Variants in ITGBL1 observed in about 807,000 individuals in gnomAD.
ITGBL1 encodes the protein integrin subunit beta like 1.
ITGBL1 carries 51 observed loss-of-function variants against 68.5 expected under a neutral mutation model. That is an observed-to-expected ratio of 0.74 (90% CI 0.59 to 0.94). The LOEUF (loss-of-function observed/expected upper bound fraction) is 0.94. Among genes scored for constraint, ITGBL1 ranks in the 40% least tolerant of loss-of-function variants. ITGBL1 has a pLI of 0.00. For missense variants in ITGBL1, 649 were observed against 647.4 expected, an observed-to-expected ratio of 1.00 and a Z score of -0.03; for synonymous variants, 209 against 227.3, an observed-to-expected ratio of 0.92 and a Z score of 0.72.
At chr13:101,547,934 T>C (rs1314723312) in intron 2 of ITGBL1, among the ~76,000 whole-genome samples, 3 of 151,362 alleles carry the variant, frequency 2.0e-5, no homozygotes, top group Non-Finnish European at 4.4e-5. Context: ...TGTATATATA[T>C]ACACACATGT....
chr13:101,606,172 T>TATATATATATATATATATA (rs1566754927), intron 7 of ITGBL1, among the ~76,000 whole-genome samples: 2 of 60,138 alleles, frequency 3.3e-5, no homozygotes, highest in African/African-American at 1.7e-4. Context: ...CTATTAGGAT[T>TATATATATATATATATATA]TTTATATATA....
chr13:101,490,692 C>T (rs1442492629), intron 2 of ITGBL1, among the ~76,000 whole-genome samples: 4 of 152,192 alleles, frequency 2.6e-5, no homozygotes, highest in African/African-American at 4.8e-5. Flanking sequence ...AGAGGCTAAA[C>T]TACAAATAAG....
At chr13:101,528,020 TAA>T (rs2049409060) in intron 2 of ITGBL1, among the ~76,000 whole-genome samples, 1 of 149,768 alleles carries the variant, frequency 6.7e-6, no homozygotes, top group Non-Finnish European at 1.5e-5. Context: ...ATGGTTTTGC[TAA>T]AATCCAATTT....
chr13:101,680,063 CA>C (rs1423152476), intron 7 of ITGBL1, among the ~76,000 whole-genome samples: 4 of 152,156 alleles, frequency 2.6e-5, no homozygotes, highest in Non-Finnish European at 4.4e-5. Context: ...ACGTGGCTTG[CA>C]TTATATGAAG....
rs972951043 is a variant in ITGBL1 at position 101,641,385 on chromosome 13, G to A, written c.1015+43086G>A. On this transcript the variant is annotated intron_variant, in intron 7 of 10. Transcript: ENST00000376180. ...GCATATTTTAAATTATTTCCTCTTGGTCTATATAGAAAAGGAGTTAAAATG... is the reference window on the plus strand; with the variant it reads ...GCATATTTTAAATTATTTCCTCTTGATCTATATAGAAAAGGAGTTAAAATG... Among the ~76,000 whole-genome samples the A allele has an allele frequency of 5.3e-5, 8 of 151,734 alleles. No individual in the cohort carries two copies. The South Asian group carries it at 8.3e-4, about 16-fold the overall frequency.
chr13:101,718,771 T>A (rs1273377878), downstream of ITGBL1: 1 of 148,960 alleles, frequency 6.7e-6, no homozygotes, highest in Non-Finnish European at 1.5e-5. Flanking sequence ...TTAGACTTAG[T>A]GAAAACCAGG....
intron 2 of ITGBL1, among the ~76,000 whole-genome samples, chr13:101,465,402 CTCTA>C (rs1566686451): frequency 6.6e-6 from 1 of 152,092 alleles, no homozygotes; most frequent in Non-Finnish European, 1.5e-5. Context: ...GATAAATTTT[CTCTA>C]TCTTTGAGGC....
intron 8 of ITGBL1, among the ~76,000 whole-genome samples, chr13:101,699,177 G>A (rs1451442729): frequency 6.6e-6 from 1 of 152,180 alleles, no homozygotes; most frequent in African/African-American, 2.4e-5. Flanking sequence ...TCTTAAAATT[G>A]CACACCTGTT....
At chr13:101,501,029 A>G (rs1490047873) in intron 2 of ITGBL1, among the ~76,000 whole-genome samples, 1 of 152,160 alleles carries the variant, frequency 6.6e-6, no homozygotes, top group Non-Finnish European at 1.5e-5. Flanking sequence ...CAGTAAAGGG[A>G]TATATAACTT....
At chr13:101,694,610 G>T (rs1179366592) in intron 8 of ITGBL1, among the ~76,000 whole-genome samples, 1 of 135,126 alleles carries the variant, frequency 7.4e-6, no homozygotes, top group African/African-American at 3.9e-5. Context: ...GTGGAGATTT[G>T]GGGGTCTCAC....
At chr13:101,591,553 A>G (rs2050655108) in intron 6 of ITGBL1, among the ~76,000 whole-genome samples, 1 of 151,644 alleles carries the variant, frequency 6.6e-6, no homozygotes, top group Admixed American at 6.6e-5. Flanking sequence ...TTTTTTTTTT[A>G]CTAAAAATTA....
intron 2 of ITGBL1, among the ~76,000 whole-genome samples, chr13:101,477,755 C>A (rs2048558722): frequency 6.6e-6 from 1 of 151,978 alleles, no homozygotes. Flanking sequence ...ACACATACAA[C>A]CTATCAAGAT....
chr13:101,585,280 C>G (rs1162157270), intron 6 of ITGBL1, among the ~76,000 whole-genome samples: 2 of 152,124 alleles, frequency 1.3e-5, no homozygotes. Context: ...ACATCTCCAG[C>G]ATAGAGGGCA....
At chr13:101,509,263 A>G (rs2049076692) in intron 2 of ITGBL1, among the ~76,000 whole-genome samples, 1 of 152,112 alleles carries the variant, frequency 6.6e-6, no homozygotes, top group South Asian at 2.1e-4. Context: ...CGATCATCAG[A>G]ATAGCACAGG....
chr13:101,548,908 T>A (rs898506461), intron 2 of ITGBL1, among the ~76,000 whole-genome samples: 2 of 151,838 alleles, frequency 1.3e-5, no homozygotes, highest in Non-Finnish European at 3.0e-5. Flanking sequence ...ATTTTTGGAA[T>A]TAAATAAGCT....
intron 2 of ITGBL1, among the ~76,000 whole-genome samples, chr13:101,501,693 T>A (rs2048945363): frequency 6.6e-6 from 1 of 152,196 alleles, no homozygotes; most frequent in South Asian, 2.1e-4. Flanking sequence ...AAGGGCTACA[T>A]GACCTTAGGC....
chr13:101,560,684 C>A (rs995129409), intron 2 of ITGBL1, among the ~76,000 whole-genome samples: 15 of 152,164 alleles, frequency 9.9e-5, no homozygotes, highest in Admixed American at 3.3e-4. Context: ...CCTCTGTATG[C>A]TGTTTTAAAA....
intron 2 of ITGBL1, among the ~76,000 whole-genome samples, chr13:101,527,170 G>A (rs528106781): frequency 1.3e-5 from 2 of 152,094 alleles, no homozygotes; most frequent in South Asian, 2.1e-4. Context: ...GCCCATACAT[G>A]CATGTTTGAT....
At chr13:101,691,700 T>C (rs2033885503) in intron 7 of ITGBL1, among the ~76,000 whole-genome samples, 1 of 152,184 alleles carries the variant, frequency 6.6e-6, no homozygotes, top group Non-Finnish European at 1.5e-5. Flanking sequence ...AGATACAATG[T>C]GGTTTAATGG....
Sources: allele counts gnomAD v4.1 joint callset (sites outside exome capture counted in the v4.1 genomes callset), GRCh38; gene constraint gnomAD v4.1.1; transcripts MANE v1.5; gene names NCBI Gene and HGNC (gene_info 2026-07-23, HGNC 2026-07-21).